Variants in GGA3 observed in about 807,000 individuals in gnomAD.
The protein encoded by GGA3 is golgi associated, gamma adaptin ear containing, ARF binding protein 3.
A neutral mutation model predicts 77.5 loss-of-function variants in GGA3; 57 were observed. That is an observed-to-expected ratio of 0.74 (90% CI 0.59 to 0.92). The LOEUF is 0.92. GGA3 is among the 40% of genes least tolerant of loss of function. GGA3 has a pLI of 0.00. For missense variants in GGA3, 970 were observed against 914.9 expected, an observed-to-expected ratio of 1.06 and a Z score of -0.78; for synonymous variants, 416 against 383.7, an observed-to-expected ratio of 1.08 and a Z score of -0.98.
In GGA3 at chr17:75,243,589, T is replaced by C. The variant is rs1303720374; in HGVS notation, c.301-19A>G. ...CCAGGTACTACATGGCAAAAGAAAA[T>C]GAGGACCTAGTAAGTGCAGTTCGGA... On this transcript the variant is annotated intron_variant, in intron 4 of 16. Transcript: ENST00000537686. 6.2e-7 allele frequency: 1 copy of C among 1,613,110 alleles called. No homozygotes were observed. Among genetic ancestry groups the C allele is most frequent in the African/African-American group, 1.3e-5 (1 of 75,012 alleles).
At chr17:75,261,754 T>C (rs2077393286), upstream of GGA3, 3 of 1,145,468 alleles carry the variant, frequency 2.6e-6, no homozygotes, top group South Asian at 1.5e-5. Flanking sequence ...GCGCTCCCCT[T>C]TGGACCCCGG....
chr17:75,261,905 C>T (rs8075276), upstream of GGA3: 1,292,169 of 1,608,006 alleles, frequency 0.8, 529,496 homozygotes, highest in East Asian at 0.88. Flanking sequence ...GCCAAGATGG[C>T]TGCCCCCGCA....
At chr17:75,259,517 G>A (rs1245302698) in intron 1 of GGA3, among the ~76,000 whole-genome samples, 1 of 152,154 alleles carries the variant, frequency 6.6e-6, no homozygotes, top group Non-Finnish European at 1.5e-5. Flanking sequence ...AGTAGAGCAG[G>A]AAAACGTAGA....
At chr17:75,241,729 C>T in intron 8 of GGA3, 33 bp from the exon 9 acceptor site, 1 of 1,568,996 alleles carries the variant, frequency 6.4e-7, no homozygotes, top group Non-Finnish European at 8.8e-7. Context: ...AATCAAACCA[C>T]AAAGGCCCTT....
In GGA3 at chr17:75,244,640, T is replaced by C. The variant is rs774445911; in HGVS notation, c.279A>G (p.Leu93=). 6.2e-7 allele frequency: 1 copy of C among 1,612,282 alleles called. No homozygotes were observed. The highest frequency in any genetic ancestry group is 1.1e-5 in the South Asian group (1 of 91,054). Residue 93 remains leucine, a synonymous_variant, in exon 4 of 17, where the codon TTA becomes TTG. Transcript: ENST00000537686. ...TGACCTTTGGAGAGACGACTTTGAT[T>C]AACTCATTCAAAAAGCGGAACTTCC... ...EVGKFRFLNE[L]IKVVSPKYLG... is the part of the protein sequence containing the mutation.
upstream of GGA3, chr17:75,262,290 C>T (rs1256479372): frequency 3.0e-6 from 2 of 671,564 alleles, no homozygotes; most frequent in Non-Finnish European, 5.1e-6. Flanking sequence ...ACCGTTAGCA[C>T]TTGACCAGGA....
rs539015649 is a variant in GGA3, at chr17:75,250,737, G to T, written c.41-3941C>A. ...TGATTGTACCACTGCACTCCAGCCTGGGCAACAGAGTGAGACTCCATCTCC... is the reference window on the plus strand; with the variant it reads ...TGATTGTACCACTGCACTCCAGCCTTGGCAACAGAGTGAGACTCCATCTCC... On this transcript the variant is annotated intron_variant, in intron 1 of 16. Coordinates refer to ENST00000537686, the MANE Select transcript of GGA3 (RefSeq NM_138619.4). Among the ~76,000 whole-genome samples, 150 of 140,962 alleles carry T rather than the reference G, an allele frequency of 1.1e-3. 1 individual carries two copies. The highest frequency in any genetic ancestry group is 1.5e-4 in the Non-Finnish European group (10 of 65,758). 92.5% of individuals were successfully genotyped at this position (140,962 alleles called of 152,430 possible). A position where few individuals can be genotyped will look rare whatever the true frequency, so the allele number is the denominator to read the frequency against.
upstream of GGA3, chr17:75,261,722 G>C (rs966880935): frequency 4.4e-6 from 5 of 1,127,320 alleles, no homozygotes; most frequent in Non-Finnish European, 6.2e-6. Flanking sequence ...ACGGATACAG[G>C]GAGGGCAAGG....
At chr17:75,258,825 G>GGT (rs1555592630) in intron 1 of GGA3, among the ~76,000 whole-genome samples, 3 of 148,538 alleles carry the variant, frequency 2.0e-5, no homozygotes, top group East Asian at 3.9e-4. Flanking sequence ...ACCATCTAGT[G>GGT]TTTTTTTTTT....
intron 1 of GGA3, among the ~76,000 whole-genome samples, chr17:75,259,856 A>G (rs1428956453): frequency 6.6e-6 from 1 of 152,144 alleles, no homozygotes; most frequent in Non-Finnish European, 1.5e-5. Flanking sequence ...CTCATTTCAT[A>G]ATGTGACTCT....
chr17:75,241,715 T>C lies in GGA3; in HGVS notation c.748-19A>G. ...ACAGCTCCTGAAAGAGACTCGGACA[T>C]AAAAATCAAACCACAAAGGCCCTTA... is the stretch of plus-strand genomic sequence containing the variant. On this transcript the variant is annotated intron_variant, in intron 8 of 16. Coordinates refer to ENST00000537686, the MANE Select transcript of GGA3 (RefSeq NM_138619.4). 2.5e-6 allele frequency: 4 copies of C among 1,608,766 alleles called. No individual in the cohort carries two copies. Among genetic ancestry groups the C allele is most frequent in the Non-Finnish European group, 3.4e-6 (4 of 1,175,190 alleles).
chr17:75,255,452 C>T (rs868638484), intron 1 of GGA3, among the ~76,000 whole-genome samples: 1 of 152,116 alleles, frequency 6.6e-6, no homozygotes, highest in Non-Finnish European at 1.5e-5. Context: ...GTATTCCCCC[C>T]CACCTTAACC....
rs2076551383 is a variant in GGA3 at position 75,241,411 on chromosome 17, G to A, written c.935C>T (p.Pro312Leu). The change falls in exon 10 of 17, where the codon CCT (proline) becomes CTT (leucine). Residue 312 changes from proline to leucine, a missense_variant. Pro to Leu is a moderately conservative substitution (Grantham distance 98). Coordinates refer to ENST00000537686, the MANE Select transcript of GGA3 (RefSeq NM_138619.4). ...INGEVATLTL[P>L]DSEGNSQCSN... is the part of the protein sequence containing the mutation. Reference sequence around the variant, plus strand: ...CCAGAGCATCTCACCTTCCGAGTCAGGCAGGGTTAAGGTAGCCACCTCGCC... The same window carrying A: ...CCAGAGCATCTCACCTTCCGAGTCAAGCAGGGTTAAGGTAGCCACCTCGCC... 1.2e-6 allele frequency: 2 copies of A among 1,605,876 alleles called. No homozygotes were observed. Among genetic ancestry groups the A allele is most frequent in the South Asian group, 2.2e-5 (2 of 90,884 alleles).
At chr17:75,247,294 C>T (rs4789159) in intron 1 of GGA3, among the ~76,000 whole-genome samples, 112,154 of 151,200 alleles carry the variant, frequency 0.74, 42,988 homozygotes, top group East Asian at 0.86. Flanking sequence ...TGGAGTCTCG[C>T]TCTTGTTGCC....
intron 1 of GGA3, among the ~76,000 whole-genome samples, chr17:75,250,869 G>T (rs575755146): frequency 1.3e-5 from 2 of 151,966 alleles, no homozygotes; most frequent in South Asian, 2.1e-4. Context: ...CCTGCGTGAG[G>T]TTAGGAGTTC....
intron 3 of GGA3, among the ~76,000 whole-genome samples, chr17:75,245,181 C>G (rs552527655): frequency 1.3e-5 from 2 of 152,310 alleles, no homozygotes; most frequent in African/African-American, 4.8e-5. Context: ...GGATATTTCT[C>G]CTCCCTCCGC....
chr17:75,248,468 CAAAAAAAAAAAA>C (rs59182526), intron 1 of GGA3, among the ~76,000 whole-genome samples: 3 of 19,758 alleles, frequency 1.5e-4, no homozygotes, highest in Admixed American at 9.7e-4. Flanking sequence ...GACTCCGTCT[CAAAAAAAAAAAA>C]AAAAAAAAAA....
intron 1 of GGA3, among the ~76,000 whole-genome samples, chr17:75,249,184 T>C (rs1276508804): frequency 3.3e-5 from 5 of 151,648 alleles, no homozygotes; most frequent in Non-Finnish European, 1.5e-5. Context: ...TAGCTGGGAT[T>C]ATAGGCATGC....
At chr17:75,259,067 C>T (rs2077255496) in intron 1 of GGA3, among the ~76,000 whole-genome samples, 1 of 151,822 alleles carries the variant, frequency 6.6e-6, no homozygotes, top group Non-Finnish European at 1.5e-5. Context: ...CATTCTCCTG[C>T]CTCAGCCTCC....
Sources: allele counts gnomAD v4.1 joint callset (sites outside exome capture counted in the v4.1 genomes callset), GRCh38; gene constraint gnomAD v4.1.1; transcripts MANE v1.5; gene names NCBI Gene and HGNC (gene_info 2026-07-23, HGNC 2026-07-21).